Variants in HUNK observed in about 807,000 individuals in gnomAD.
HUNK encodes hormonally up-regulated Neu-associated kinase, also known as hormonally up-regulated neu tumor-associated kinase.
HUNK carries 21 observed loss-of-function variants against 61.0 expected under a neutral mutation model. That is an observed-to-expected ratio of 0.34 (90% CI 0.24 to 0.50). The LOEUF (loss-of-function observed/expected upper bound fraction) is 0.50, where lower values mean the gene tolerates loss of function less well. Among genes scored for constraint, HUNK ranks in the 20% least tolerant of loss-of-function variants. The probability of loss-of-function intolerance (pLI) is 0.98; values close to 1 mark genes in which losing one functional copy is unlikely to be tolerated. For missense variants in HUNK, 772 were observed against 945.7 expected (o/e 0.82, Z 2.41); for synonymous variants, 371 against 386.1 (o/e 0.96, Z 0.46).
intron 1 of HUNK, among the ~76,000 whole-genome samples, chr21:31,902,354 T>C (rs2123800277): frequency 6.6e-6 from 1 of 152,092 alleles, no homozygotes; most frequent in South Asian, 2.1e-4. Flanking sequence ...CTACTAAACA[T>C]ACAAAATTAG....
chr21:31,936,724 C>A (rs931313339), intron 2 of HUNK, among the ~76,000 whole-genome samples: 1 of 151,996 alleles, frequency 6.6e-6, no homozygotes, highest in Admixed American at 6.6e-5. Context: ...ATTTGAAAAG[C>A]GGATATTTTT....
chr21:31,896,098 C>T (rs753248672), intron 1 of HUNK, among the ~76,000 whole-genome samples: 1 of 152,182 alleles, frequency 6.6e-6, no homozygotes, highest in African/African-American at 2.4e-5. Flanking sequence ...GCCATTCACA[C>T]GCCAAGGAGA....
At chr21:31,883,586 C>T (rs1028307062) in intron 1 of HUNK, among the ~76,000 whole-genome samples, 1 of 152,148 alleles carries the variant, frequency 6.6e-6, no homozygotes, top group East Asian at 1.9e-4. Flanking sequence ...TATTCTTTCT[C>T]TTTTTCTTTG....
chr21:31,968,330 T>C lies in HUNK; in HGVS notation c.955T>C (p.Trp319Arg), dbSNP rs1206116326. Residue 319 changes from tryptophan (W) to arginine (R), a missense_variant, in exon 6 of 11, where the codon TGG becomes CGG. Trp to Arg is a moderately radical substitution (Grantham distance 101, BLOSUM62 -3). Around this residue, in one of 2 missense-constraint regions of HUNK, gnomAD observed 359 missense variants for 501.3 expected, o/e 0.72. Coordinates refer to ENST00000270112, the MANE Select transcript of HUNK (RefSeq NM_014586.2). ...TATTCAGCAGGCACTGGCGAATCGC[T>C]GGCTTAATGAGAATTACACGGGCAA... The part of the protein sequence containing the change: ...PNIQQALANR[W>R]LNENYTGKVP... 1 of 1,614,100 alleles carries C rather than the reference T, an allele frequency of 6.2e-7. No homozygotes were observed. The highest frequency in any genetic ancestry group is 1.3e-5 in the African/African-American group (1 of 74,944).
chr21:31,951,569 G>A (rs369342321), intron 4 of HUNK, among the ~76,000 whole-genome samples: 20 of 152,036 alleles, frequency 1.3e-4, no homozygotes, highest in Admixed American at 5.9e-4. Flanking sequence ...AAGTATTTGC[G>A]TGAGGGCCTG....
chr21:31,990,858 A>G (rs2053167865), intron 9 of HUNK, among the ~76,000 whole-genome samples: 1 of 152,026 alleles, frequency 6.6e-6, no homozygotes, highest in South Asian at 2.1e-4. Context: ...CTTTAAAACC[A>G]CCTTCACAGA....
chr21:31,946,009 G>A (rs770894265), intron 3 of HUNK, 27 bp from the exon 4 acceptor site: 1 of 1,554,666 alleles, frequency 6.4e-7, no homozygotes, highest in East Asian at 2.3e-5. Flanking sequence ...CTAATTCGGA[G>A]CTTGTTTTGT....
intron 4 of HUNK, among the ~76,000 whole-genome samples, chr21:31,947,217 C>T (rs1259296065): frequency 6.6e-6 from 1 of 151,468 alleles, no homozygotes; most frequent in Admixed American, 6.6e-5. Context: ...CAGTCTCAAG[C>T]CAGTGGCGCC....
At chr21:31,916,851 A>G (rs1168192655) in intron 1 of HUNK, among the ~76,000 whole-genome samples, 1 of 150,576 alleles carries the variant, frequency 6.6e-6, no homozygotes, top group African/African-American at 2.4e-5. Context: ...TAATTTTTGT[A>G]TTTTTAGTAG....
At chr21:31,903,984 A>G (rs908754088) in intron 1 of HUNK, among the ~76,000 whole-genome samples, 42 of 152,204 alleles carry the variant, frequency 2.8e-4, no homozygotes, top group African/African-American at 9.9e-4. Context: ...AACAAAATCA[A>G]CTAAAGAAAT....
intron 8 of HUNK, among the ~76,000 whole-genome samples, chr21:31,984,677 G>A (rs1334590190): frequency 6.6e-6 from 1 of 152,206 alleles, no homozygotes; most frequent in East Asian, 1.9e-4. Flanking sequence ...GGCCAGGAGT[G>A]GGGTGCAGCC....
chr21:31,900,479 A>ACACACACACACACACACACACAC (rs57151018), intron 1 of HUNK, among the ~76,000 whole-genome samples: 11 of 151,474 alleles, frequency 7.3e-5, no homozygotes, highest in Admixed American at 2.0e-4. Context: ...ACACACACAC[A>ACACACACACACACACACACACAC]AACTCTACTG....
At chr21:31,909,275 T>C (rs1229746494) in intron 1 of HUNK, among the ~76,000 whole-genome samples, 2 of 152,196 alleles carry the variant, frequency 1.3e-5, no homozygotes, top group African/African-American at 4.8e-5. Context: ...TTTGCATTCC[T>C]CTCTTGCAGG....
intron 2 of HUNK, among the ~76,000 whole-genome samples, chr21:31,927,494 A>G (rs1419331653): frequency 6.6e-6 from 1 of 152,066 alleles, no homozygotes; most frequent in Non-Finnish European, 1.5e-5. Flanking sequence ...ATACAAAAAA[A>G]TTAGCTGGGC....
chr21:31,984,451 G>A (rs146298696), intron 8 of HUNK, among the ~76,000 whole-genome samples: 11 of 152,186 alleles, frequency 7.2e-5, no homozygotes, highest in African/African-American at 1.7e-4. Context: ...AGTGTAACAC[G>A]TGGCATCAGA....
intron 1 of HUNK, among the ~76,000 whole-genome samples, chr21:31,905,559 G>C (rs1014518465): frequency 6.6e-6 from 1 of 152,166 alleles, no homozygotes; most frequent in Non-Finnish European, 1.5e-5. Context: ...ACCTCCCACT[G>C]AGCTCCCTGT....
In HUNK at chr21:31,873,824, C is replaced by G. The variant is rs1353074267; in HGVS notation, c.150C>G (p.Arg50=). The stretch of plus-strand genomic sequence containing the variant: ...GCGGCGTGCCCCGCGAGCGGCTCCG[C>G]GACTTCCAGCACCACAAGCGCGTGG... The part of the protein sequence containing the change: ...WVSGVPRERL[R]DFQHHKRVGN... The change falls in exon 1 of 11, where the codon CGC becomes CGG. Residue 50 remains arginine, a synonymous_variant. Coordinates refer to ENST00000270112, the MANE Select transcript of HUNK (RefSeq NM_014586.2). The surrounding 1 kb of genome is among the most constrained non-coding windows in gnomAD (Gnocchi z 6.1). The G allele has an allele frequency of 3.8e-6, 6 of 1,578,836 alleles. No individual in the cohort carries two copies. In the East Asian group the frequency reaches 1.5e-4, roughly 39 times the overall value.
intron 5 of HUNK, among the ~76,000 whole-genome samples, chr21:31,967,388 TA>T (rs758054261): frequency 6.6e-6 from 1 of 152,056 alleles, no homozygotes; most frequent in African/African-American, 2.4e-5. Context: ...AAATACAAAA[TA>T]AAAGGCTTCG....
At chr21:31,943,287 T>A (rs975460696) in intron 3 of HUNK, among the ~76,000 whole-genome samples, 1 of 152,200 alleles carries the variant, frequency 6.6e-6, no homozygotes, top group Non-Finnish European at 1.5e-5. Flanking sequence ...AAGTTTAATC[T>A]TAAAATGGAA....
Sources: gnomAD v4.1 joint callset for allele counts (sites outside exome capture counted in the v4.1 genomes callset) on GRCh38, gnomAD v4.1.1 for gene constraint, gnomAD v4.1.1 regional missense constraint, Gnocchi (gnomAD v3.1) non-coding constraint, MANE v1.5 for transcripts, NCBI Gene and HGNC (gene_info 2026-07-23, HGNC 2026-07-21) for gene names.